The following RIMS1 variants were observed in gnomAD, a reference collection of about 807,000 sequenced individuals.
RIMS1 encodes the protein regulating synaptic membrane exocytosis 1.
A neutral mutation model predicts 214.1 loss-of-function variants in RIMS1; 83 were observed. That is an observed-to-expected ratio of 0.39 (90% CI 0.32 to 0.47). RIMS1 has a LOEUF of 0.47. Among genes scored for constraint, RIMS1 ranks in the 20% least tolerant of loss-of-function variants. RIMS1 has a pLI of 0.99. For synonymous variants in RIMS1, 793 were observed against 786.8 expected (o/e 1.01, Z -0.13); for missense variants, 2,050 against 2,161.8 (o/e 0.95, Z 1.03).
chr6:72,028,163 G>A (rs900945049), intron 2 of RIMS1, among the ~76,000 whole-genome samples: 1 of 152,066 alleles, frequency 6.6e-6, no homozygotes, highest in African/African-American at 2.4e-5. Context: ...ACAATAATTG[G>A]TCTTACCTAG....
chr6:71,973,626 G>C (rs1796430201), intron 2 of RIMS1, among the ~76,000 whole-genome samples: 3 of 152,198 alleles, frequency 2.0e-5, no homozygotes, highest in Non-Finnish European at 4.4e-5. Context: ...GATGTCAGGA[G>C]AGTTGTCCAG....
intron 29 of RIMS1, among the ~76,000 whole-genome samples, chr6:72,374,406 T>A (rs1044333423): frequency 1.3e-5 from 2 of 152,226 alleles, no homozygotes; most frequent in Non-Finnish European, 2.9e-5. Context: ...ACACAGGCTC[T>A]AATTAAGTTT....
chr6:72,085,131 A>C (rs1475424321), intron 2 of RIMS1, among the ~76,000 whole-genome samples: 1 of 152,162 alleles, frequency 6.6e-6, no homozygotes, highest in Non-Finnish European at 1.5e-5. Context: ...ACAGAATTGA[A>C]TGCAAAAATA....
chr6:72,307,899 T>C (rs1234327252), intron 27 of RIMS1, among the ~76,000 whole-genome samples: 2 of 152,186 alleles, frequency 1.3e-5, no homozygotes, highest in Admixed American at 1.3e-4. Flanking sequence ...TTTCTAAAAA[T>C]ATGTAAATAT....
At chr6:72,291,789 TATC>T in intron 25 of RIMS1, 142 bp from the exon 26 acceptor site, 1 of 689,948 alleles carries the variant, frequency 1.4e-6, no homozygotes, top group South Asian at 1.6e-5. Flanking sequence ...CATTTACACA[TATC>T]ATAAAAAGTG....
intron 1 of RIMS1, among the ~76,000 whole-genome samples, chr6:71,949,689 C>T (rs1788881339): frequency 6.6e-6 from 1 of 152,154 alleles, no homozygotes. Flanking sequence ...TGTGGTATTA[C>T]ATACAGTGTT....
chr6:72,264,951 C>G, intron 19 of RIMS1, 24 bp from the exon 20 acceptor site: 1 of 1,491,886 alleles, frequency 6.7e-7, no homozygotes, highest in Non-Finnish European at 9.2e-7. Context: ...CTGTTTCCTG[C>G]GTGTTTGTGT....
At chr6:71,952,401 T>C (rs190557509) in intron 1 of RIMS1, among the ~76,000 whole-genome samples, 269 of 152,336 alleles carry the variant, frequency 1.8e-3, no homozygotes, top group Non-Finnish European at 3.0e-3. Context: ...ACTAGAGATA[T>C]AGTAATGAAT....
At chr6:72,250,809 C>T in intron 13 of RIMS1, 112 bp from the exon 14 acceptor site, 1 of 624,392 alleles carries the variant, frequency 1.6e-6, no homozygotes, top group African/African-American at 1.9e-5. Context: ...TATAGACTTT[C>T]CATGAGTTAT....
At chr6:71,951,483 T>C (rs1414409219) in intron 1 of RIMS1, among the ~76,000 whole-genome samples, 1 of 129,168 alleles carries the variant, frequency 7.7e-6, no homozygotes, top group Non-Finnish European at 1.6e-5. Flanking sequence ...TTTTTCTTTT[T>C]TTTTTTTTTT....
chr6:72,074,629 C>T (rs959828487), intron 2 of RIMS1, among the ~76,000 whole-genome samples: 3 of 152,190 alleles, frequency 2.0e-5, no homozygotes, highest in Admixed American at 6.5e-5. Flanking sequence ...TGTGCCACTG[C>T]ATTCCAGCCT....
chr6:72,358,820 A>G (rs147976248), intron 29 of RIMS1, among the ~76,000 whole-genome samples: 1 of 152,324 alleles, frequency 6.6e-6, no homozygotes, highest in Non-Finnish European at 1.5e-5. Context: ...TTAGTGGTAC[A>G]GTGATCTGAC....
intron 8 of RIMS1, 121 bp from the exon 9 acceptor site, chr6:72,237,702 C>A: frequency 2.8e-6 from 2 of 711,804 alleles, no homozygotes; most frequent in Non-Finnish European, 4.7e-6. Flanking sequence ...TGCTTCACTT[C>A]ATTAATGTTT....
Position 71,920,454 on chromosome 6 carries a change from C to G in RIMS1, c.164+33267C>G, listed in dbSNP as rs535610917. ...CTTTTTCGTAAACCTAAAATTATTA[C>G]AAAATAAAAAGTTTAATTTTTAAAA... On this transcript the variant is annotated intron_variant, in intron 1 of 33. Transcript: ENST00000521978. Among the ~76,000 whole-genome samples the G allele has an allele frequency of 3.3e-5, 5 of 152,072 alleles. No homozygotes were observed. In the East Asian group the frequency reaches 9.7e-4, roughly 29 times the overall value.
At chr6:71,913,697 G>A (rs1290579486) in intron 1 of RIMS1, among the ~76,000 whole-genome samples, 3 of 152,202 alleles carry the variant, frequency 2.0e-5, no homozygotes, top group East Asian at 3.9e-4. Flanking sequence ...ATATGGGTTT[G>A]TGTCATGTGG....
Position 72,233,766 on chromosome 6 carries a change from T to C in RIMS1, c.1679-7T>C, listed in dbSNP as rs1437559029. 1.3e-6 allele frequency: 2 copies of C among 1,559,850 alleles called. No individual in the cohort carries two copies. Among genetic ancestry groups the C allele is most frequent in the East Asian group, 2.3e-5 (1 of 42,600 alleles). On this transcript the variant is annotated splice_region_variant and splice_polypyrimidine_tract_variant and intron_variant, in intron 6 of 33. Transcript: ENST00000521978. ...ATTACACTTTTCATTCTTTTTGTAT[T>C]GCACAGGTGATTTGGATTATTACTG...
At chr6:71,992,604 CCTTCTCCTTCTTCTT>C (rs1802153268) in intron 2 of RIMS1, among the ~76,000 whole-genome samples, 1 of 127,090 alleles carries the variant, frequency 7.9e-6, no homozygotes, top group African/African-American at 3.0e-5. Context: ...TCCTCCTTCT[CCTTCTCCTTCTTCTT>C]CTTCTTCTTC....
In RIMS1 at chr6:72,182,734, G is replaced by A; in HGVS notation, c.1263G>A (p.Pro421=). The A allele has an allele frequency of 6.5e-7, 1 of 1,538,230 alleles. No homozygotes were observed. Among genetic ancestry groups the A allele is most frequent in the South Asian group, 1.2e-5 (1 of 83,874 alleles). The part of the protein sequence containing the change: ...KRAPAAARAS[P]PDSPRAYSAE... ...CGCCGGCGGCAGCCAGGGCCTCGCC[G>A]CCGGACTCGCCGCGGGCTTACTCGG... The change falls in exon 6 of 34, where the codon CCG becomes CCA. Residue 421 remains proline (P), a synonymous_variant. Transcript: ENST00000521978.
chr6:72,304,278 T>C (rs945510640), intron 26 of RIMS1, among the ~76,000 whole-genome samples: 3 of 151,756 alleles, frequency 2.0e-5, no homozygotes, highest in African/African-American at 7.2e-5. Flanking sequence ...TTTACTATTT[T>C]AGTTTTGCTC....
Sources: allele counts gnomAD v4.1 joint callset (sites outside exome capture counted in the v4.1 genomes callset), GRCh38; gene constraint gnomAD v4.1.1; transcripts MANE v1.5; gene names NCBI Gene and HGNC (gene_info 2026-07-23, HGNC 2026-07-21).